The following RBPMS2 variants were observed in gnomAD, a reference collection of about 807,000 sequenced individuals.
The protein encoded by RBPMS2 is RNA-binding protein with multiple splicing 2.
A neutral mutation model predicts 25.7 loss-of-function variants in RBPMS2; 14 were observed. The observed-to-expected ratio is 0.55, with a 90% CI of 0.36 to 0.85. The LOEUF (loss-of-function observed/expected upper bound fraction) is 0.85, where lower values mean the gene tolerates loss of function less well. Ranked by LOEUF, RBPMS2 falls within the 40% of genes least tolerant of loss-of-function variation. The pLI, the probability that RBPMS2 is intolerant of heterozygous loss-of-function variation, is 0.01. For synonymous variants in RBPMS2, 127 were observed against 115.6 expected (o/e 1.10, Z -0.63); for missense variants, 252 against 283.4 (o/e 0.89, Z 0.80).
chr15:64,748,703 G>A, intron 5 of RBPMS2, 136 bp from the exon 6 acceptor site: 1 of 1,100,112 alleles, frequency 9.1e-7, no homozygotes, highest in Non-Finnish European at 1.3e-6. Context: ...AGGACCCCGA[G>A]ACCAGGCAAG....
rs757461663 is a variant in RBPMS2 at position 64,750,470 on chromosome 15, CCT to C, written c.166-91_166-90del. ...GCCACCTCATCAGCCCCCGCGTTCC[CCT>C]GAGTCATTCTCACACCCTTCTCCCT... On this transcript the variant is annotated intron_variant, in intron 2 of 7. Transcript: ENST00000300069. The C allele has an allele frequency of 2.7e-4, 302 of 1,134,094 alleles. 1 individual carries two copies. The highest frequency in any genetic ancestry group is 5.6e-4 in the African/African-American group (37 of 65,646). The allele number at this position is 1,134,094 out of a possible 1,614,324, so 70.3% of individuals were successfully genotyped here.
chr15:64,749,198 G>C (rs376320442), intron 4 of RBPMS2, 48 bp from the exon 5 acceptor site: 126 of 1,604,522 alleles, frequency 7.9e-5, no homozygotes, highest in Non-Finnish European at 1.0e-4. Flanking sequence ...GGGGGACCCA[G>C]AGTGTTAATG....
At chr15:64,743,966 C>T (rs972726442) in intron 6 of RBPMS2, among the ~76,000 whole-genome samples, 4 of 151,946 alleles carry the variant, frequency 2.6e-5, no homozygotes, top group African/African-American at 4.8e-5. Context: ...ATTAGCTGGG[C>T]GTGGTAGCAC....
intron 1 of RBPMS2, among the ~76,000 whole-genome samples, chr15:64,759,505 T>C (rs890152431): frequency 6.6e-6 from 1 of 152,128 alleles, no homozygotes; most frequent in Admixed American, 6.5e-5. Context: ...CCCATTCCCA[T>C]CTACGTGTCG....
intron 6 of RBPMS2, among the ~76,000 whole-genome samples, 158 bp downstream of exon 6, chr15:64,748,261 G>T (rs555513816): frequency 1.3e-5 from 2 of 152,320 alleles, no homozygotes; most frequent in African/African-American, 4.8e-5. Flanking sequence ...CCAAGGGGAG[G>T]ACAAATAGGT....
chr15:64,768,265 T>C (rs1052324851), intron 1 of RBPMS2, among the ~76,000 whole-genome samples: 1 of 152,018 alleles, frequency 6.6e-6, no homozygotes, highest in Admixed American at 6.6e-5. Context: ...CCCCAGCAGT[T>C]TGGGAGGCAA....
chr15:64,763,464 G>A (rs893796539), intron 1 of RBPMS2, among the ~76,000 whole-genome samples: 6 of 152,166 alleles, frequency 3.9e-5, no homozygotes, highest in Non-Finnish European at 1.5e-5. Flanking sequence ...CACCTAGTAA[G>A]GACAAGTCCC....
intron 6 of RBPMS2, among the ~76,000 whole-genome samples, chr15:64,742,996 T>G (rs1425321249): frequency 1.3e-5 from 2 of 152,186 alleles, no homozygotes; most frequent in Non-Finnish European, 2.9e-5. Context: ...GGCTGGACAC[T>G]AGCACTTATT....
rs564059742 is a variant in RBPMS2, at chr15:64,748,683, C to T, written c.419-116G>A. ...GCCCCACACTGAGGCCAGACCACCC[C>T]CAACCACAGAGGACCCCGAGACCAG... On this transcript the variant is annotated intron_variant, in intron 5 of 7. Coordinates refer to ENST00000300069, the MANE Select transcript of RBPMS2 (RefSeq NM_194272.3). 1.1e-5 allele frequency: 14 copies of T among 1,285,074 alleles called. No individual in the cohort carries two copies. The African/African-American group carries it at 1.5e-4, about 14-fold the overall frequency. The allele number at this position is 1,285,074 out of a possible 1,614,324, so 79.6% of individuals were successfully genotyped here.
intron 5 of RBPMS2, 60 bp downstream of exon 5, chr15:64,748,940 C>G: frequency 6.3e-7 from 1 of 1,581,654 alleles, no homozygotes. Flanking sequence ...TCTGCAAGAG[C>G]CTGCAAGTCT....
At chr15:64,756,034 C>A (rs138942074) in intron 1 of RBPMS2, among the ~76,000 whole-genome samples, 19 of 152,264 alleles carry the variant, frequency 1.2e-4, no homozygotes, top group Non-Finnish European at 1.6e-4. Flanking sequence ...TCTGAGGTAC[C>A]CCTCACCTTG....
chr15:64,744,798 G>GTTTTTTTTTTTTTTTTT lies in RBPMS2; in HGVS notation c.568-3573_568-3557dup, dbSNP rs748967917. Among the ~76,000 whole-genome samples the GTTTTTTTTTTTTTTTTT allele has an allele frequency of 8.6e-5, 4 of 46,296 alleles. 1 individual carries two copies. Among genetic ancestry groups the GTTTTTTTTTTTTTTTTT allele is most frequent in the African/African-American group, 2.9e-4 (4 of 13,588 alleles). 30.4% of individuals were successfully genotyped at this position (46,296 alleles called of 152,430 possible). ...TATTTAAGTTTTTTTGGTTTGTTTTGTTTTTTTTTTTTTTTTTTTTTTTTT... is the reference window on the plus strand; with the variant it reads ...TATTTAAGTTTTTTTGGTTTGTTTTGTTTTTTTTTTTTTTTTTTTTTTTTTTTTTTTTTTTTTTTTTT... On this transcript the variant is annotated intron_variant, in intron 6 of 7. Transcript: ENST00000300069.
rs2083923791 is a variant in RBPMS2, at chr15:64,775,374, C to A, written c.-55G>T. 4 of 1,102,078 alleles carry A rather than the reference C, an allele frequency of 3.6e-6. No individual in the cohort carries two copies. Among genetic ancestry groups the A allele is most frequent in the South Asian group, 7.0e-5 (2 of 28,576 alleles). 68.3% of individuals were successfully genotyped at this position (1,102,078 alleles called of 1,614,324 possible). The stretch of plus-strand genomic sequence containing the variant: ...CGCGAGGGCGAGCGCGGCGCCGGCC[C>A]CGCGGGAAGTGGGAAGGGGCGCGGG... On this transcript the variant is annotated 5_prime_UTR_variant, in exon 1 of 8. Transcript: ENST00000300069.
At chr15:64,764,320 AC>A in intron 1 of RBPMS2, among the ~76,000 whole-genome samples, 1 of 152,052 alleles carries the variant, frequency 6.6e-6, no homozygotes, top group Non-Finnish European at 1.5e-5. Context: ...GGGCTAGAGG[AC>A]CCCTACACCC....
rs763267659 is a variant in RBPMS2, at chr15:64,751,635, G to A, written c.91C>T (p.Arg31Trp). The change falls in exon 2 of 8, where the codon CGG becomes TGG. Residue 31 changes from arginine to tryptophan, a missense_variant. Coordinates refer to ENST00000300069, the MANE Select transcript of RBPMS2 (RefSeq NM_194272.3). Reference sequence around the variant, plus strand: ...GGGAGGCCGCTGACAAACAGTGTCCGGACCTGGAGACAGAGACCAGTGATC... The same window carrying A: ...GGGAGGCCGCTGACAAACAGTGTCCAGACCTGGAGACAGAGACCAGTGATC... The part of the protein sequence containing the change: ...GSGGALEEEV[R>W]TLFVSGLPVD... 1.2e-6 allele frequency: 2 copies of A among 1,613,700 alleles called. No homozygotes were observed. Among genetic ancestry groups the A allele is most frequent in the Non-Finnish European group, 1.7e-6 (2 of 1,179,744 alleles).
rs2083646131 is a variant in RBPMS2, at chr15:64,748,920, G to T, written c.418+80C>A. 3.3e-6 allele frequency: 5 copies of T among 1,504,538 alleles called. No individual in the cohort carries two copies. In the African/African-American group the frequency reaches 5.6e-5, roughly 17 times the overall value. The allele number at this position is 1,504,538 out of a possible 1,614,324, so 93.2% of individuals were successfully genotyped here. On this transcript the variant is annotated intron_variant, in intron 5 of 7. Transcript: ENST00000300069. ...TGGACACAAAAAGCCTCCTGGAAAAGGGGCTTCCCTCTGCAAGAGCCTGCA... is the reference window on the plus strand; with the variant it reads ...TGGACACAAAAAGCCTCCTGGAAAATGGGCTTCCCTCTGCAAGAGCCTGCA...
chr15:64,767,882 G>A (rs1235298438), intron 1 of RBPMS2, among the ~76,000 whole-genome samples: 2 of 152,146 alleles, frequency 1.3e-5, no homozygotes, highest in Admixed American at 6.5e-5. Flanking sequence ...TGCCCAGGCT[G>A]GTCTTGAACT....
Position 64,741,035 on chromosome 15 carries a change from G to A in RBPMS2, c.*8-35C>T, listed in dbSNP as rs1359749690. 4.8e-6 allele frequency: 3 copies of A among 622,228 alleles called. No individual in the cohort carries two copies. The East Asian group carries it at 8.5e-5, about 18-fold the overall frequency. 38.5% of individuals were successfully genotyped at this position (622,228 alleles called of 1,614,324 possible). A position where few individuals can be genotyped will look rare whatever the true frequency, so the allele number is the denominator to read the frequency against. ...GGGAGAGAGGCGGCCGTGAGCAGAG[G>A]CGTGGGACTAGAGCTAAAGCCAGGC... On this transcript the variant is annotated intron_variant, in intron 7 of 7. Transcript: ENST00000300069.
chr15:64,744,660 A>C (rs1218446483), intron 6 of RBPMS2, among the ~76,000 whole-genome samples: 1 of 151,862 alleles, frequency 6.6e-6, no homozygotes, highest in Non-Finnish European at 1.5e-5. Flanking sequence ...GCAAAACTGT[A>C]TAAACAAACC....
Sources: allele counts gnomAD v4.1 joint callset (sites outside exome capture counted in the v4.1 genomes callset), GRCh38; gene constraint gnomAD v4.1.1; transcripts MANE v1.5; gene names NCBI Gene and HGNC (gene_info 2026-07-23, HGNC 2026-07-21).